NME8: variants seen among roughly 807,000 people sequenced by gnomAD.
The protein encoded by NME8 is protein NME8.
Under a neutral mutation model 82.3 loss-of-function variants are expected in NME8, and 72 were observed. That is an observed-to-expected ratio of 0.87 (90% CI 0.72 to 1.06). The LOEUF (loss-of-function observed/expected upper bound fraction) is 1.06, where lower values mean the gene tolerates loss of function less well. NME8 is among the 50% of genes least tolerant of loss of function. NME8 has a pLI of 0.00. For synonymous variants in NME8, 267 were observed against 228.5 expected (o/e 1.17, Z -1.52); for missense variants, 712 against 685.4 (o/e 1.04, Z -0.43).
intron 15 of NME8, among the ~76,000 whole-genome samples, chr7:37,892,667 T>A (rs1287623710): frequency 6.6e-6 from 1 of 152,124 alleles, no homozygotes; most frequent in Non-Finnish European, 1.5e-5. Flanking sequence ...CTTCTCTGTA[T>A]TTTAAGTTAC....
rs137968086 is a variant in NME8, at chr7:37,856,092, C to T, written c.199-1182C>T. Among the ~76,000 whole-genome samples, 320 of 152,266 alleles carry T rather than the reference C, an allele frequency of 2.1e-3. 2 individuals carry two copies. The highest frequency in any genetic ancestry group is 7.4e-3 in the African/African-American group (307 of 41,556). ...CTCAGCTTTTTAGCAGCACTTGCAACATCCCTAGTAGCACTTTATCTGGAT... is the reference window on the plus strand; with the variant it reads ...CTCAGCTTTTTAGCAGCACTTGCAATATCCCTAGTAGCACTTTATCTGGAT... On this transcript the variant is annotated intron_variant, in intron 5 of 17. Coordinates refer to ENST00000199447, the MANE Select transcript of NME8 (RefSeq NM_016616.5).
intron 15 of NME8, among the ~76,000 whole-genome samples, chr7:37,890,741 A>C (rs933347144): frequency 2.0e-5 from 3 of 152,008 alleles, no homozygotes; most frequent in African/African-American, 7.2e-5. Context: ...ATGTTGCCAC[A>C]AATGACAGGA....
chr7:37,856,610 T>C (rs1784516528), intron 5 of NME8, among the ~76,000 whole-genome samples: 1 of 152,242 alleles, frequency 6.6e-6, no homozygotes, highest in Non-Finnish European at 1.5e-5. Context: ...GACACTATTA[T>C]TGAATGTATA....
chr7:37,875,441 C>G (rs1284912167), intron 11 of NME8, among the ~76,000 whole-genome samples: 2 of 148,680 alleles, frequency 1.3e-5, no homozygotes, highest in South Asian at 2.2e-4. Flanking sequence ...CCCATAGCCC[C>G]CACACACATT....
chr7:37,849,026 C>G lies in NME8; in HGVS notation c.-38C>G, dbSNP rs1433581231. The G allele has an allele frequency of 6.6e-6, 1 of 152,242 alleles. No individual in the cohort carries two copies. The highest frequency in any genetic ancestry group is 2.1e-4 in the South Asian group (1 of 4,826). 9.4% of individuals were successfully genotyped at this position (152,242 alleles called of 1,614,324 possible). A position where few individuals can be genotyped will look rare whatever the true frequency, so the allele number is the denominator to read the frequency against. ...TGTTCCTTCCTTTTCTTTAAACGTC[C>G]CAGTCTAGCTTAGAGGAGGACCTGT... is the stretch of plus-strand genomic sequence containing the variant. On this transcript the variant is annotated 5_prime_UTR_variant, in exon 2 of 18. Transcript: ENST00000199447.
At chr7:37,850,591 G>A in intron 4 of NME8, 38 bp from the exon 5 acceptor site, 1 of 1,548,208 alleles carries the variant, frequency 6.5e-7, no homozygotes, top group Non-Finnish European at 8.9e-7. Flanking sequence ...TCCTAGATTG[G>A]TAGACTTTGT....
chr7:37,877,166 A>C (rs1465869746), intron 12 of NME8, among the ~76,000 whole-genome samples, 159 bp downstream of exon 12: 1 of 152,224 alleles, frequency 6.6e-6, no homozygotes, highest in East Asian at 1.9e-4. Context: ...TTAATAGTGA[A>C]TAAAACATAT....
At chr7:37,882,600 AGAGAG>A (rs1784973295) in intron 12 of NME8, among the ~76,000 whole-genome samples, 1 of 79,952 alleles carries the variant, frequency 1.3e-5, no homozygotes, top group African/African-American at 4.2e-5. Context: ...AGAAAGAAAG[AGAGAG>A]AGAGAGAGAG....
rs186927071 is a variant in NME8, at chr7:37,899,802, A to T, written c.*16-442A>T. Among the ~76,000 whole-genome samples, 24 of 152,274 alleles carry T rather than the reference A, an allele frequency of 1.6e-4. No individual in the cohort carries two copies. In the East Asian group the frequency reaches 4.4e-3, roughly 28 times the overall value. ...AAACTCCCTAAACTCTTTCTTGGGC[A>T]TCTCTGACCTGAGAGTCCTGCTGAA... is the stretch of plus-strand genomic sequence containing the variant. On this transcript the variant is annotated intron_variant, in intron 17 of 17. Coordinates refer to ENST00000199447, the MANE Select transcript of NME8 (RefSeq NM_016616.5).
chr7:37,851,258 C>T (rs1391179668), intron 5 of NME8, among the ~76,000 whole-genome samples: 1 of 152,058 alleles, frequency 6.6e-6, no homozygotes, highest in East Asian at 1.9e-4. Flanking sequence ...TTTCGTTGTC[C>T]AACATGGTAG....
At chr7:37,850,046 A>G (rs1036314414) in intron 2 of NME8, among the ~76,000 whole-genome samples, 1 of 152,178 alleles carries the variant, frequency 6.6e-6, no homozygotes, top group African/African-American at 2.4e-5. Flanking sequence ...ATTTACCCTG[A>G]TGTGATTATT....
chr7:37,885,146 G>A lies in NME8; in HGVS notation c.1141G>A (p.Gly381Ser), dbSNP rs200177768. The change falls in exon 14 of 18, where the codon GGT (glycine) becomes AGT (serine). Residue 381 changes from glycine to serine, a missense_variant and splice_region_variant. Transcript: ENST00000199447. The part of the protein sequence containing the change: ...FNKLIENMTS[G>S]PSLALVLLRD... ...CTTCTTTGTTTTCTTTTCTAATAGTGGTCCATCTCTAGCCCTTGTTTTATT... is the reference window on the plus strand; with the variant it reads ...CTTCTTTGTTTTCTTTTCTAATAGTAGTCCATCTCTAGCCCTTGTTTTATT... 4 of 1,600,554 alleles carry A rather than the reference G, an allele frequency of 2.5e-6. No homozygotes were observed. The African/African-American group carries it at 5.4e-5, about 21-fold the overall frequency.
chr7:37,872,645 T>G (rs1294579035), intron 11 of NME8, among the ~76,000 whole-genome samples: 1 of 152,230 alleles, frequency 6.6e-6, no homozygotes, highest in Non-Finnish European at 1.5e-5. Flanking sequence ...GAAAGTCAGA[T>G]GCAAGAAATA....
intron 12 of NME8, among the ~76,000 whole-genome samples, chr7:37,880,144 C>T (rs2131962976): frequency 6.6e-6 from 1 of 151,924 alleles, no homozygotes; most frequent in African/African-American, 2.4e-5. Flanking sequence ...AATATTTTCT[C>T]CAAGTTTTTG....
intron 5 of NME8, among the ~76,000 whole-genome samples, chr7:37,851,928 C>T (rs988702549): frequency 6.6e-6 from 1 of 152,132 alleles, no homozygotes; most frequent in South Asian, 2.1e-4. Context: ...GCCTACTGAC[C>T]TTGTATTTCA....
In NME8 at chr7:37,865,625, A is replaced by T. The variant is rs748586004; in HGVS notation, c.621+8A>T. On this transcript the variant is annotated splice_region_variant and intron_variant, in intron 10 of 17. Coordinates refer to ENST00000199447, the MANE Select transcript of NME8 (RefSeq NM_016616.5). Reference sequence around the variant, plus strand: ...AGTCGAATAGCAGACCAGGTATGAAAGTTAAAAAGAAAAAATCCTCTATGT... The same window carrying T: ...AGTCGAATAGCAGACCAGGTATGAATGTTAAAAAGAAAAAATCCTCTATGT... The T allele has an allele frequency of 1.4e-5, 23 of 1,593,356 alleles. No individual in the cohort carries two copies. In the South Asian group the frequency reaches 2.5e-4, roughly 18 times the overall value.
chr7:37,850,029 A>G (rs1188146928), intron 2 of NME8, among the ~76,000 whole-genome samples: 1 of 152,196 alleles, frequency 6.6e-6, no homozygotes, highest in Non-Finnish European at 1.5e-5. Flanking sequence ...GAGGTGATGG[A>G]TACCCCATTT....
At chr7:37,865,903 C>G (rs939946313) in intron 10 of NME8, among the ~76,000 whole-genome samples, 1 of 152,126 alleles carries the variant, frequency 6.6e-6, no homozygotes, top group African/African-American at 2.4e-5. Context: ...CATCAGTCCT[C>G]TGGAAGTGAA....
At chr7:37,859,410 A>G (rs542531680) in intron 6 of NME8, among the ~76,000 whole-genome samples, 1 of 152,256 alleles carries the variant, frequency 6.6e-6, no homozygotes, top group Admixed American at 6.5e-5. Flanking sequence ...ATGACTTCCT[A>G]AGATTTTTGA....
Sources: allele counts gnomAD v4.1 joint callset (sites outside exome capture counted in the v4.1 genomes callset), GRCh38; gene constraint gnomAD v4.1.1; transcripts MANE v1.5; gene names NCBI Gene and HGNC (gene_info 2026-07-23, HGNC 2026-07-21).